OSBPL1A: variants seen among roughly 807,000 people sequenced by gnomAD.
The protein encoded by OSBPL1A is oxysterol-binding protein-related protein 1.
OSBPL1A carries 80 observed loss-of-function variants against 137.1 expected under a neutral mutation model. The observed-to-expected ratio is 0.58, with a 90% CI of 0.49 to 0.70. The LOEUF (loss-of-function observed/expected upper bound fraction) is 0.70. Among genes scored for constraint, OSBPL1A ranks in the 30% least tolerant of loss-of-function variants. The probability of loss-of-function intolerance (pLI) is 0.00; values close to 1 mark genes in which losing one functional copy is unlikely to be tolerated. For synonymous variants in OSBPL1A, 365 were observed against 389.7 expected (o/e 0.94, Z 0.75); for missense variants, 970 against 1,129.4 (o/e 0.86, Z 2.02).
At chr18:24,198,695 C>T (rs2087113022) in intron 17 of OSBPL1A, among the ~76,000 whole-genome samples, 1 of 151,872 alleles carries the variant, frequency 6.6e-6, no homozygotes, top group South Asian at 2.1e-4. Flanking sequence ...TAGTAAATGA[C>T]CTCTCAGTTG....
intron 2 of OSBPL1A, among the ~76,000 whole-genome samples, chr18:24,376,921 C>T (rs377038490): frequency 1.3e-5 from 2 of 152,242 alleles, no homozygotes; most frequent in African/African-American, 4.8e-5. Context: ...GAACTCCAGC[C>T]GGCCCGCAAA....
chr18:24,368,503 A>G (rs943518704), intron 2 of OSBPL1A, 131 bp from the exon 3 acceptor site: 19 of 675,638 alleles, frequency 2.8e-5, no homozygotes, highest in Non-Finnish European at 3.9e-5. Flanking sequence ...GAGGCAAGAT[A>G]TGTGACCAAG....
chr18:24,218,232 G>A (rs901317038), intron 17 of OSBPL1A: 2 of 152,050 alleles, frequency 1.3e-5, no homozygotes. Context: ...ATAGTACTGT[G>A]GTTTAGAAGC....
intron 16 of OSBPL1A, among the ~76,000 whole-genome samples, chr18:24,238,501 T>A (rs568164903): frequency 6.6e-6 from 1 of 152,322 alleles, no homozygotes; most frequent in African/African-American, 2.4e-5. Context: ...GCACTGAGTA[T>A]CACCAGGCAC....
chr18:24,235,806 T>G (rs2088451203), intron 16 of OSBPL1A, among the ~76,000 whole-genome samples: 1 of 152,240 alleles, frequency 6.6e-6, no homozygotes, highest in South Asian at 2.1e-4. Flanking sequence ...CTCTGGAACC[T>G]GTGAATATGT....
At chr18:24,313,608 G>A (rs909096237) in intron 12 of OSBPL1A, among the ~76,000 whole-genome samples, 1 of 152,122 alleles carries the variant, frequency 6.6e-6, no homozygotes, top group Non-Finnish European at 1.5e-5. Context: ...AAGCTGCCTG[G>A]CCTTGGGAAA....
chr18:24,357,152 G>A (rs913407449), intron 4 of OSBPL1A: 2 of 152,156 alleles, frequency 1.3e-5, no homozygotes, highest in South Asian at 2.1e-4. Context: ...ATTTGCCAAA[G>A]TTAAGGACAC....
At chr18:24,193,873 A>G (rs2086956617) in intron 18 of OSBPL1A, among the ~76,000 whole-genome samples, 2 of 152,268 alleles carry the variant, frequency 1.3e-5, no homozygotes, top group African/African-American at 4.8e-5. Context: ...GATTCAGCAT[A>G]AGCATTTACT....
chr18:24,332,014 C>T (rs1179903326), intron 7 of OSBPL1A, among the ~76,000 whole-genome samples: 5 of 151,944 alleles, frequency 3.3e-5, no homozygotes, highest in Admixed American at 6.6e-5. Flanking sequence ...CAAATGTCCT[C>T]GTCATGGTCT....
Position 24,393,386 on chromosome 18 carries a change from G to A in OSBPL1A, c.-3+4269C>T, listed in dbSNP as rs796788353. Among the ~76,000 whole-genome samples the A allele has an allele frequency of 4.6e-5, 7 of 152,354 alleles. 1 individual carries two copies. Among genetic ancestry groups the A allele is most frequent in the African/African-American group, 1.7e-4 (7 of 41,596 alleles). ...CAAAGTTACTTGCCAAGTATTAACA[G>A]TAGAGTCACAGCCAGAATGTAGAAG... On this transcript the variant is annotated intron_variant, in intron 1 of 27. Transcript: ENST00000319481.
intron 4 of OSBPL1A, among the ~76,000 whole-genome samples, chr18:24,352,423 A>G (rs2091456925): frequency 6.6e-6 from 1 of 152,214 alleles, no homozygotes; most frequent in South Asian, 2.1e-4. Flanking sequence ...AGAGGATACA[A>G]ACAAATGGAA....
intron 14 of OSBPL1A, among the ~76,000 whole-genome samples, chr18:24,303,293 G>A (rs1471264576): frequency 2.6e-5 from 4 of 152,068 alleles, no homozygotes; most frequent in Admixed American, 1.3e-4. Flanking sequence ...GAGCCACTGC[G>A]CCAGGCCTCA....
chr18:24,352,409 T>C (rs1037018852), intron 4 of OSBPL1A, among the ~76,000 whole-genome samples: 1 of 151,898 alleles, frequency 6.6e-6, no homozygotes, highest in Non-Finnish European at 1.5e-5. Flanking sequence ...AAAACAACAA[T>C]GAAAGAGGAT....
intron 16 of OSBPL1A, among the ~76,000 whole-genome samples, chr18:24,237,715 T>C (rs2146005963): frequency 6.6e-6 from 1 of 152,342 alleles, no homozygotes; most frequent in Admixed American, 6.5e-5. Flanking sequence ...CTTGTAATTT[T>C]CCTTTTTGGA....
chr18:24,332,999 G>A lies in OSBPL1A; in HGVS notation c.568C>T (p.Gln190Ter). 1 of 1,614,156 alleles carries A rather than the reference G, an allele frequency of 6.2e-7. No homozygotes were observed. The highest frequency in any genetic ancestry group is 8.5e-7 in the Non-Finnish European group (1 of 1,180,018). The change falls in exon 7 of 28, where the codon CAA becomes TAA. Residue 190 changes from glutamine to a stop codon, truncating the protein, a stop_gained. Transcript: ENST00000319481. LOFTEE classifies it high-confidence loss of function. ...LHCAAYRAHK[Q>*]CALKLLRSGA... ...CTTCTTAGAAGCTTTAAGGCACATTGTTTATGGGCCCGGTAAGCTGCACAA... is the reference window on the plus strand; with the variant it reads ...CTTCTTAGAAGCTTTAAGGCACATTATTTATGGGCCCGGTAAGCTGCACAA...
intron 15 of OSBPL1A, among the ~76,000 whole-genome samples, chr18:24,268,690 C>T (rs866662123): frequency 2.6e-5 from 4 of 152,110 alleles, no homozygotes; most frequent in African/African-American, 9.7e-5. Flanking sequence ...TCTCTGGTCG[C>T]CTTTTCTCAG....
chr18:24,268,549 G>GA (rs2089639758), intron 15 of OSBPL1A, among the ~76,000 whole-genome samples: 1 of 149,718 alleles, frequency 6.7e-6, no homozygotes, highest in African/African-American at 2.5e-5. Context: ...TTGTTTTTTA[G>GA]AAAAAATAAA....
chr18:24,257,333 C>G (rs1007839474), intron 15 of OSBPL1A, among the ~76,000 whole-genome samples: 1 of 152,138 alleles, frequency 6.6e-6, no homozygotes, highest in Non-Finnish European at 1.5e-5. Flanking sequence ...CTCACACTCA[C>G]AGTGAACTAA....
chr18:24,197,889 C>T (rs1002030759), intron 17 of OSBPL1A, among the ~76,000 whole-genome samples: 1 of 149,960 alleles, frequency 6.7e-6, no homozygotes, highest in African/African-American at 2.5e-5. Flanking sequence ...CGGGTTCAAG[C>T]GATTCTCCTG....
Sources: gnomAD v4.1 joint callset for allele counts (sites outside exome capture counted in the v4.1 genomes callset) on GRCh38, gnomAD v4.1.1 for gene constraint, MANE v1.5 for transcripts, NCBI Gene and HGNC (gene_info 2026-07-23, HGNC 2026-07-21) for gene names.